The following PLB1 variants were observed in gnomAD, a reference collection of about 807,000 sequenced individuals.
PLB1 encodes phospholipase B1, also known as phospholipase B1, membrane-associated.
A neutral mutation model predicts 227.4 loss-of-function variants in PLB1; 242 were observed. The observed-to-expected ratio is 1.06, with a 90% CI of 0.96 to 1.18. The LOEUF is 1.18. Among genes scored for constraint, PLB1 ranks in the 50% most tolerant of loss-of-function variants. The pLI is 0.00. For missense variants in PLB1, 1,858 were observed against 1,816.3 expected (o/e 1.02, Z -0.42); for synonymous variants, 757 against 682.2 (o/e 1.11, Z -1.71).
At position 28,496,148 on chromosome 2, in the gene PLB1, C is replaced by G; in HGVS notation, c.34C>G (p.Leu12Val). 2 of 1,614,002 alleles carry G rather than the reference C, an allele frequency of 1.2e-6. No individual in the cohort carries two copies. Among genetic ancestry groups the G allele is most frequent in the Middle Eastern group, 1.7e-4 (1 of 6,056 alleles). ...GLRPGIFLLE[L>V]LLLLGQGTPQ... ...GCGGCCAGGCATTTTCCTCCTGGAG[C>G]TGCTGCTGCTTCTGGGGCAAGGTAA... Residue 12 changes from leucine to valine, a missense_variant, in exon 1 of 58, where the codon CTG becomes GTG. Coordinates refer to ENST00000327757, the MANE Select transcript of PLB1 (RefSeq NM_153021.5).
chr2:28,635,926 G>A (rs1225170577), intron 56 of PLB1, among the ~76,000 whole-genome samples: 1 of 152,196 alleles, frequency 6.6e-6, no homozygotes, highest in Non-Finnish European at 1.5e-5. Context: ...TTCAGACTTA[G>A]AGCTCTTAGA....
At chr2:28,580,085 T>A (rs1277184065) in intron 23 of PLB1, among the ~76,000 whole-genome samples, 2 of 152,332 alleles carry the variant, frequency 1.3e-5, no homozygotes, top group South Asian at 2.1e-4. Flanking sequence ...GTCACTTGTA[T>A]GGGAAGGTCG....
At chr2:28,525,382 G>C in intron 5 of PLB1, 75 bp downstream of exon 5, 1 of 1,494,560 alleles carries the variant, frequency 6.7e-7, no homozygotes, top group Non-Finnish European at 9.2e-7. Flanking sequence ...CCTTATTAAT[G>C]GGAAAGATTG....
At chr2:28,540,579 G>A (rs2148207421) in intron 12 of PLB1, 138 bp downstream of exon 12, 3 of 688,510 alleles carry the variant, frequency 4.4e-6, no homozygotes, top group African/African-American at 1.8e-5. Context: ...TAAGTCAGGA[G>A]CAAAGAGAGC....
chr2:28,603,852 C>T lies in PLB1; in HGVS notation c.2775-114C>T, dbSNP rs971133776. The T allele has an allele frequency of 3.1e-6, 3 of 971,770 alleles. No individual in the cohort carries two copies. In the Admixed American group the frequency reaches 6.0e-5, roughly 19 times the overall value. The allele number at this position is 971,770 out of a possible 1,614,324, so 60.2% of individuals were successfully genotyped here. On this transcript the variant is annotated intron_variant, in intron 39 of 57. Transcript: ENST00000327757. ...CCAGAGCCTCAAGGCTTGAGTGCTC[C>T]TAAACCAGGGCGGGAGGGAGCCTCT...
chr2:28,633,285 C>A, intron 56 of PLB1: 1 of 486,072 alleles, frequency 2.1e-6, no homozygotes, highest in Non-Finnish European at 3.7e-6. Context: ...TCAGCAATGC[C>A]CAGGTACTGC....
At chr2:28,549,934 C>T in intron 15 of PLB1, 76 bp from the exon 16 acceptor site, 1 of 1,289,978 alleles carries the variant, frequency 7.8e-7, no homozygotes, top group Non-Finnish European at 1.1e-6. Context: ...AAAAGCATCA[C>T]TGGATGCTGA....
chr2:28,591,720 A>G lies in PLB1; in HGVS notation c.2148A>G (p.Pro716=), dbSNP rs1339611892. The G allele has an allele frequency of 3.1e-6, 5 of 1,613,916 alleles. No individual in the cohort carries two copies. The East Asian group carries it at 6.7e-5, about 22-fold the overall frequency. ...CTTAGGGTCATGGGACCTGGCTGCC[A>G]TGCAGGGACAGAGCCCCTTCTGCCT... ...NSMQGHGTWL[P]CRDRAPSALH... The change falls in exon 31 of 58, where the codon CCA becomes CCG. Residue 716 remains proline (P), a synonymous_variant. Transcript: ENST00000327757.
In PLB1 at chr2:28,571,492, C is replaced by G. The variant is rs567552990; in HGVS notation, c.1325-1705C>G. 3.3e-5 allele frequency among the ~76,000 whole-genome samples: 5 copies of G among 152,182 alleles called. No individual in the cohort carries two copies. The East Asian group carries it at 7.7e-4, about 24-fold the overall frequency. On this transcript the variant is annotated intron_variant, in intron 20 of 57. Transcript: ENST00000327757. Reference sequence around the variant, plus strand: ...GAAATTCAAGGGACCCAGAATATCCCAAGAAATCTAGAAAAGAACAAATTC... The same window carrying G: ...GAAATTCAAGGGACCCAGAATATCCGAAGAAATCTAGAAAAGAACAAATTC...
intron 16 of PLB1, 96 bp from the exon 17 acceptor site, chr2:28,552,832 C>T (rs1256835049): frequency 1.0e-6 from 1 of 973,390 alleles, no homozygotes. Context: ...TTTACTTTAT[C>T]TTAAATGATG....
At chr2:28,587,839 A>G (rs1463973335) in intron 26 of PLB1, among the ~76,000 whole-genome samples, 5 of 152,178 alleles carry the variant, frequency 3.3e-5, no homozygotes, top group Non-Finnish European at 7.3e-5. Context: ...TAGTCTCCAC[A>G]GTGGGAGGCA....
At chr2:28,626,912 G>C (rs1212369144) in intron 51 of PLB1, among the ~76,000 whole-genome samples, 1 of 152,188 alleles carries the variant, frequency 6.6e-6, no homozygotes, top group Non-Finnish European at 1.5e-5. Flanking sequence ...GTCATCACGA[G>C]TTAACCAAAC....
intron 33 of PLB1, chr2:28,593,961 T>TTTTTTTTGTG: frequency 1.4e-6 from 1 of 739,554 alleles, no homozygotes. Flanking sequence ...TTTTTTTTTT[T>TTTTTTTTGTG]GATTGTGCAG....
intron 56 of PLB1, among the ~76,000 whole-genome samples, chr2:28,635,018 T>C (rs1435870080): frequency 1.3e-5 from 2 of 152,190 alleles, no homozygotes; most frequent in East Asian, 3.8e-4. Flanking sequence ...TTCATAAAGA[T>C]AAGTGGGAGG....
chr2:28,496,097 C>T lies in PLB1; in HGVS notation c.-18C>T, dbSNP rs1019983616. The T allele has an allele frequency of 6.2e-7, 1 of 1,613,816 alleles. No individual in the cohort carries two copies. The highest frequency in any genetic ancestry group is 8.5e-7 in the Non-Finnish European group (1 of 1,179,824). ...GAGCAGCTCTTCCAGAGGCCCGAGT[C>T]ACCTGGAGCATTCTGGCATGGGGCT... On this transcript the variant is annotated 5_prime_UTR_variant, in exon 1 of 58. Transcript: ENST00000327757.
chr2:28,624,247 A>G (rs1326520692), intron 49 of PLB1, among the ~76,000 whole-genome samples: 2 of 152,130 alleles, frequency 1.3e-5, no homozygotes, highest in Non-Finnish European at 2.9e-5. Flanking sequence ...CCAGGCAACC[A>G]CTAACCTTCT....
At chr2:28,613,888 ATTATGT>A in intron 43 of PLB1, 137 bp from the exon 44 acceptor site, 1 of 720,950 alleles carries the variant, frequency 1.4e-6, no homozygotes, top group Non-Finnish European at 2.3e-6. Context: ...AATGAATGAA[ATTATGT>A]TTATACAGTT....
At chr2:28,506,546 G>T (rs1367476166) in intron 1 of PLB1, among the ~76,000 whole-genome samples, 7 of 152,180 alleles carry the variant, frequency 4.6e-5, no homozygotes, top group Non-Finnish European at 7.3e-5. Flanking sequence ...AGCTTAAAGA[G>T]ACTTCTAAAA....
rs758050964 is a variant in PLB1 at position 28,593,657 on chromosome 2, A to G, written c.2248-24A>G. On this transcript the variant is annotated intron_variant, in intron 32 of 57. Transcript: ENST00000327757. Reference sequence around the variant, plus strand: ...TGTTCTCTGACTTGCTAATTTTCCTATGGACTCTGGTATATTTTCAAAGGC... The same window carrying G: ...TGTTCTCTGACTTGCTAATTTTCCTGTGGACTCTGGTATATTTTCAAAGGC... The G allele has an allele frequency of 2.1e-5, 34 of 1,609,944 alleles. No homozygotes were observed. The South Asian group carries it at 2.4e-4, about 11-fold the overall frequency.
Sources: gnomAD v4.1 joint callset for allele counts (sites outside exome capture counted in the v4.1 genomes callset) on GRCh38, gnomAD v4.1.1 for gene constraint, MANE v1.5 for transcripts, NCBI Gene and HGNC (gene_info 2026-07-23, HGNC 2026-07-21) for gene names.